Variants in CAMK2B observed in about 807,000 individuals in gnomAD.
The protein encoded by CAMK2B is calcium/calmodulin-dependent protein kinase type II subunit beta.
In CAMK2B, 27 loss-of-function variants were observed where a neutral mutation model predicts 93.7. That is an observed-to-expected ratio of 0.29 (90% CI 0.21 to 0.40). The LOEUF (loss-of-function observed/expected upper bound fraction) is 0.40, where lower values mean the gene tolerates loss of function less well. Among genes scored for constraint, CAMK2B ranks in the 10% least tolerant of loss-of-function variants. The pLI is 1.00. For missense variants in CAMK2B, 568 were observed against 895.8 expected (o/e 0.63, Z 4.67); for synonymous variants, 374 against 358.8 (o/e 1.04, Z -0.48).
chr7:44,268,781 A>T (rs1458982490), intron 2 of CAMK2B: 2 of 152,272 alleles, frequency 1.3e-5, no homozygotes, highest in Non-Finnish European at 1.5e-5. Flanking sequence ...GTGACAGGGC[A>T]GGGGCCACCT....
At chr7:44,324,679 C>T (rs911049131) in intron 1 of CAMK2B, among the ~76,000 whole-genome samples, 1 of 152,146 alleles carries the variant, frequency 6.6e-6, no homozygotes, top group African/African-American at 2.4e-5. Flanking sequence ...GCAATCCAGT[C>T]AGGCTCTTAG....
Position 44,258,990 on chromosome 7 carries a change from C to T in CAMK2B, c.221-64G>A, listed in dbSNP as rs533171401. ...CCAGGACACACCTCCTGCCTGCCTC[C>T]GTACCTGTCCAGGCACACCACCAGC... On this transcript the variant is annotated intron_variant, in intron 3 of 23. Transcript: ENST00000395749. 215 of 1,401,882 alleles carry T rather than the reference C, an allele frequency of 1.5e-4. 1 individual carries two copies. The African/African-American group carries it at 2.6e-3, about 17-fold the overall frequency. 86.8% of individuals were successfully genotyped at this position (1,401,882 alleles called of 1,614,324 possible). A position where few individuals can be genotyped will look rare whatever the true frequency, so the allele number is the denominator to read the frequency against.
Position 44,220,273 on chromosome 7 carries a change from G to A in CAMK2B, c.1790C>T (p.Pro597Leu), listed in dbSNP as rs1287272814. The change falls in exon 23 of 24, where the codon CCG becomes CTG. Residue 597 changes from proline to leucine, a missense_variant. Transcript: ENST00000395749. ...TGGGTTCAGGATGGTCGTGTGGATC[G>A]GCTTGCTGTTCTTGGCCAGCACTGT... ...FENLLAKNSK[P>L]IHTTILNPHV... The A allele has an allele frequency of 3.7e-6, 6 of 1,612,058 alleles. No homozygotes were observed. The highest frequency in any genetic ancestry group is 2.2e-5 in the East Asian group (1 of 44,796).
chr7:44,250,827 C>T (rs971455392), intron 5 of CAMK2B, among the ~76,000 whole-genome samples: 3 of 152,214 alleles, frequency 2.0e-5, no homozygotes. Context: ...CGTGCCTGGC[C>T]ACCACATTGC....
At chr7:44,315,062 CA>C (rs1259412143) in intron 1 of CAMK2B, among the ~76,000 whole-genome samples, 1 of 152,114 alleles carries the variant, frequency 6.6e-6, no homozygotes, top group Non-Finnish European at 1.5e-5. Context: ...CCTTTGAATA[CA>C]AAAGTTTTCA....
At chr7:44,294,963 C>T (rs1787895257) in intron 1 of CAMK2B, among the ~76,000 whole-genome samples, 1 of 152,158 alleles carries the variant, frequency 6.6e-6, no homozygotes, top group Non-Finnish European at 1.5e-5. Context: ...TGTGGAAAGT[C>T]AAGGGAAGAC....
chr7:44,317,362 A>G (rs1795055531), intron 1 of CAMK2B, among the ~76,000 whole-genome samples: 1 of 152,216 alleles, frequency 6.6e-6, no homozygotes, highest in Admixed American at 6.5e-5. Context: ...GATGTGCCGT[A>G]AGGGTAAAAT....
chr7:44,296,245 A>G (rs1788283731), intron 1 of CAMK2B, among the ~76,000 whole-genome samples: 2 of 152,220 alleles, frequency 1.3e-5, no homozygotes. Flanking sequence ...CAGGCGGGTG[A>G]TGTAAGTAAA....
chr7:44,247,246 G>C, intron 5 of CAMK2B, 54 bp from the exon 6 acceptor site: 1 of 1,469,038 alleles, frequency 6.8e-7, no homozygotes, highest in Non-Finnish European at 9.5e-7. Context: ...GCAGCAAGAG[G>C]AGGCACTGGG....
Position 44,226,644 on chromosome 7 carries a change from G to A in CAMK2B, c.1469C>T (p.Ser490Phe). The change falls in exon 20 of 24, where the codon TCC (serine) becomes TTC (phenylalanine). Residue 490 changes from serine (S) to phenylalanine (F), a missense_variant and splice_region_variant. Physicochemically the swap from Ser to Phe is radical, Grantham distance 155 (BLOSUM62 -2). Coordinates refer to ENST00000395749, the MANE Select transcript of CAMK2B (RefSeq NM_001220.5). ...PALLGPLSSP[S>F]PRISDILNSV... ...GTTCAGGATGTCAGAGATCCTGGGG[G>A]CTGGGGCGGAACAGACGAGACGTGA... 1 of 1,541,040 alleles carries A rather than the reference G, an allele frequency of 6.5e-7. No individual in the cohort carries two copies. Among genetic ancestry groups the A allele is most frequent in the Non-Finnish European group, 8.7e-7 (1 of 1,152,406 alleles).
At chr7:44,301,410 T>G (rs983084551) in intron 1 of CAMK2B, among the ~76,000 whole-genome samples, 2 of 152,226 alleles carry the variant, frequency 1.3e-5, no homozygotes, top group African/African-American at 4.8e-5. Context: ...GCACTGGGAT[T>G]ACAGGTGTCA....
At chr7:44,237,761 G>A (rs115400714) in intron 13 of CAMK2B, among the ~76,000 whole-genome samples, 609 of 152,304 alleles carry the variant, frequency 4.0e-3, no homozygotes, top group African/African-American at 0.014. Context: ...CAGGGTAGGC[G>A]GAGCAGTCAC....
intron 2 of CAMK2B, among the ~76,000 whole-genome samples, chr7:44,281,252 G>A (rs902104402): frequency 6.6e-6 from 1 of 152,266 alleles, no homozygotes; most frequent in Non-Finnish European, 1.5e-5. Context: ...GCACTGGGCA[G>A]TGCCAGGACT....
chr7:44,229,590 G>T, intron 17 of CAMK2B, 89 bp from the exon 18 acceptor site: 1 of 514,526 alleles, frequency 1.9e-6, no homozygotes, highest in Non-Finnish European at 3.3e-6. Context: ...GGCCAGGAGG[G>T]AGGGAGGGGG....
At chr7:44,231,952 C>A (rs546292670) in intron 16 of CAMK2B, among the ~76,000 whole-genome samples, 1 of 152,360 alleles carries the variant, frequency 6.6e-6, no homozygotes, top group African/African-American at 2.4e-5. Context: ...TAGGTGCAGG[C>A]TCAGAGTTCA....
At chr7:44,268,387 C>T (rs999235686) in intron 2 of CAMK2B, among the ~76,000 whole-genome samples, 3 of 152,114 alleles carry the variant, frequency 2.0e-5, no homozygotes, top group African/African-American at 4.8e-5. Flanking sequence ...GCAGCAAGGC[C>T]GACATCACAG....
chr7:44,292,411 T>C (rs1031795084), intron 1 of CAMK2B, among the ~76,000 whole-genome samples: 1 of 152,218 alleles, frequency 6.6e-6, no homozygotes, highest in African/African-American at 2.4e-5. Context: ...CCAGGATGTA[T>C]GCTGAGTCCA....
chr7:44,253,908 T>TTTG (rs1554401499), intron 5 of CAMK2B, among the ~76,000 whole-genome samples: 20 of 150,126 alleles, frequency 1.3e-4, no homozygotes, highest in African/African-American at 4.6e-4. Flanking sequence ...TCAGTTTTTT[T>TTTG]TTTTTTTTTT....
intron 3 of CAMK2B, among the ~76,000 whole-genome samples, chr7:44,261,683 A>G (rs1490369078): frequency 6.6e-6 from 1 of 152,240 alleles, no homozygotes; most frequent in Non-Finnish European, 1.5e-5. Context: ...AAATAGTTAT[A>G]TACTTATTTA....
Sources: allele counts gnomAD v4.1 joint callset (sites outside exome capture counted in the v4.1 genomes callset), GRCh38; gene constraint gnomAD v4.1.1; transcripts MANE v1.5; gene names NCBI Gene and HGNC (gene_info 2026-07-23, HGNC 2026-07-21).